Variants in SOX5 observed in about 807,000 individuals in gnomAD.
SOX5 encodes SRY-box transcription factor 5.
A neutral mutation model predicts 92.0 loss-of-function variants in SOX5; 9 were observed. The ratio of observed to expected loss-of-function variants is 0.10; its 90% CI spans 0.06 to 0.17. SOX5 has a LOEUF of 0.17. SOX5 is among the 10% of genes least tolerant of loss of function. SOX5 has a pLI of 1.00. For missense variants in SOX5, 642 were observed against 944.5 expected (o/e 0.68, Z 4.20); for synonymous variants, 344 against 336.3 (o/e 1.02, Z -0.25).
At chr12:24,179,721 A>G (rs925871454) in intron 4 of SOX5, among the ~76,000 whole-genome samples, 3 of 152,170 alleles carry the variant, frequency 2.0e-5, no homozygotes, top group Admixed American at 6.5e-5. Flanking sequence ...TTCTGAGCAC[A>G]TTTAAGGTAG....
intron 2 of SOX5, among the ~76,000 whole-genome samples, chr12:24,366,968 A>G (rs1196680081): frequency 1.3e-5 from 2 of 152,208 alleles, no homozygotes; most frequent in Non-Finnish European, 2.9e-5. Context: ...ATAGGCTTTA[A>G]AAACTGACAG....
At chr12:24,125,960 C>T (rs1949067777) in intron 4 of SOX5, among the ~76,000 whole-genome samples, 1 of 152,168 alleles carries the variant, frequency 6.6e-6, no homozygotes, top group Non-Finnish European at 1.5e-5. Context: ...TGCTTGGCAT[C>T]TCAATGGCAT....
rs116221694 is a variant in SOX5, at chr12:23,677,722, T to C, written c.811-12158A>G. 4.2e-3 allele frequency among the ~76,000 whole-genome samples: 638 copies of C among 152,320 alleles called. 7 individuals are homozygous for C. Among genetic ancestry groups the C allele is most frequent in the African/African-American group, 0.015 (603 of 41,586 alleles). On this transcript the variant is annotated intron_variant, in intron 6 of 14. Transcript: ENST00000451604. ...CAAATTTCCCAGTGAGTAATTTCTA[T>C]TTTTTAGCTAGCAGGTGCTAGATTG...
intron 1 of SOX5, among the ~76,000 whole-genome samples, chr12:24,549,005 G>C (rs1173609728): frequency 6.6e-6 from 1 of 152,096 alleles, no homozygotes; most frequent in Non-Finnish European, 1.5e-5. Flanking sequence ...CTCTGCTTCA[G>C]CCATGCTGCC....
chr12:23,609,108 A>AATT, intron 8 of SOX5, among the ~76,000 whole-genome samples: 1 of 152,282 alleles, frequency 6.6e-6, no homozygotes, highest in Middle Eastern at 3.4e-3. Context: ...AAGGCAGTAC[A>AATT]ATTAAAAGAA....
At chr12:23,963,236 A>G (rs1487424412) in intron 4 of SOX5, among the ~76,000 whole-genome samples, 1 of 152,206 alleles carries the variant, frequency 6.6e-6, no homozygotes, top group Non-Finnish European at 1.5e-5. Context: ...GGCAAATAGG[A>G]ATCTATCCAA....
rs374186568 is a variant in SOX5 at position 23,777,621 on chromosome 12, A to G, written c.482-21897T>C. 2.6e-5 allele frequency among the ~76,000 whole-genome samples: 4 copies of G among 152,318 alleles called. No individual in the cohort carries two copies. In the East Asian group the frequency reaches 7.7e-4, roughly 29 times the overall value. On this transcript the variant is annotated intron_variant, in intron 3 of 14. Coordinates refer to ENST00000451604, the MANE Select transcript of SOX5 (RefSeq NM_006940.6). ...CAGTCTAACTTATATATGCATGCAT[A>G]TATTTTCTGAAGCATATATAAAACT...
chr12:23,777,327 C>G (rs750025493), intron 3 of SOX5, among the ~76,000 whole-genome samples: 1 of 152,130 alleles, frequency 6.6e-6, no homozygotes, highest in Non-Finnish European at 1.5e-5. Flanking sequence ...AGGAGTTATA[C>G]TGTGGATACA....
At chr12:23,892,362 T>G (rs1443723662) in intron 2 of SOX5, among the ~76,000 whole-genome samples, 5 of 152,144 alleles carry the variant, frequency 3.3e-5, no homozygotes, top group African/African-American at 1.2e-4. Context: ...TGAACATGTG[T>G]GAAAAGCTTG....
At chr12:23,646,141 GGT>G (rs1378046378) in intron 7 of SOX5, among the ~76,000 whole-genome samples, 2 of 152,080 alleles carry the variant, frequency 1.3e-5, no homozygotes, top group African/African-American at 4.8e-5. Flanking sequence ...GGCTGTTGAA[GGT>G]TAGGGTAGCT....
intron 4 of SOX5, among the ~76,000 whole-genome samples, chr12:24,172,488 G>A (rs1161685792): frequency 6.6e-6 from 1 of 152,080 alleles, no homozygotes; most frequent in Non-Finnish European, 1.5e-5. Context: ...GCAGTGAGCT[G>A]TGTTCGTGTC....
intron 6 of SOX5, among the ~76,000 whole-genome samples, chr12:23,674,803 A>G (rs1214699434): frequency 6.6e-6 from 1 of 151,712 alleles, no homozygotes; most frequent in African/African-American, 2.4e-5. Flanking sequence ...ATATACTACT[A>G]TATATACTAC....
chr12:24,357,565 A>G (rs1955005529), intron 2 of SOX5: 1 of 152,432 alleles, frequency 6.6e-6, no homozygotes, highest in African/African-American at 2.4e-5. Context: ...CGCCTCAGCC[A>G]GGCTCGGTGG....
intron 3 of SOX5, among the ~76,000 whole-genome samples, chr12:23,790,791 T>G (rs929997431): frequency 6.6e-6 from 1 of 152,176 alleles, no homozygotes; most frequent in African/African-American, 2.4e-5. Flanking sequence ...AGTTAGTGTC[T>G]AGTTATTGAG....
intron 9 of SOX5, among the ~76,000 whole-genome samples, chr12:23,578,096 C>T (rs12815543): frequency 0.027 from 2,821 of 103,956 alleles, 118 homozygotes; most frequent in African/African-American, 0.097. Flanking sequence ...CTCCAGCCTG[C>T]GCAACAGAGT....
chr12:23,950,688 C>A (rs1945469698), upstream of SOX5, among the ~76,000 whole-genome samples: 1 of 152,196 alleles, frequency 6.6e-6, no homozygotes, highest in South Asian at 2.1e-4. Context: ...GCCCAGGCAG[C>A]CACAGATAAC....
In SOX5 at chr12:23,807,092, T is replaced by C. The variant is rs577512940; in HGVS notation, c.481+38891A>G. ...ATCAATGTTTCCATGAAATCAAAAA[T>C]TATGTATTCTTCTTTTACACACCAA... is the stretch of plus-strand genomic sequence containing the variant. On this transcript the variant is annotated intron_variant, in intron 3 of 14. Transcript: ENST00000451604. Among the ~76,000 whole-genome samples the C allele has an allele frequency of 2.6e-5, 4 of 151,524 alleles. No homozygotes were observed. In the East Asian group the frequency reaches 5.9e-4, roughly 22 times the overall value.
intron 3 of SOX5, among the ~76,000 whole-genome samples, chr12:23,834,063 C>A (rs543491734): frequency 1.9e-4 from 29 of 151,994 alleles, no homozygotes; most frequent in African/African-American, 6.3e-4. Flanking sequence ...GTGGTAAGAA[C>A]TATAGAGATG....
intron 2 of SOX5, among the ~76,000 whole-genome samples, chr12:23,878,580 C>CA (rs1460632279): frequency 6.6e-6 from 1 of 151,842 alleles, no homozygotes; most frequent in African/African-American, 2.4e-5. Flanking sequence ...TTAACATTTC[C>CA]ATGTTATTTT....
Sources: gnomAD v4.1 joint callset for allele counts (sites outside exome capture counted in the v4.1 genomes callset) on GRCh38, gnomAD v4.1.1 for gene constraint, MANE v1.5 for transcripts, NCBI Gene and HGNC (gene_info 2026-07-23, HGNC 2026-07-21) for gene names.